SGCZ: variants seen among roughly 807,000 people sequenced by gnomAD.
The protein encoded by SGCZ is zeta-sarcoglycan.
In SGCZ, 40 loss-of-function variants were observed where a neutral mutation model predicts 41.3. That is an observed-to-expected ratio of 0.97 (90% CI 0.75 to 1.26). The LOEUF (loss-of-function observed/expected upper bound fraction) is 1.26. Among genes scored for constraint, SGCZ ranks in the 50% most tolerant of loss-of-function variants. The pLI is 0.00. For synonymous variants in SGCZ, 206 were observed against 137.5 expected, an observed-to-expected ratio of 1.50 and a Z score of -3.49; for missense variants, 552 against 369.8, an observed-to-expected ratio of 1.49 and a Z score of -4.04.
chr8:14,583,413 T>C (rs1388758956), intron 1 of SGCZ, among the ~76,000 whole-genome samples: 1 of 152,184 alleles, frequency 6.6e-6, no homozygotes, highest in Non-Finnish European at 1.5e-5. Context: ...TAGCCCTTTG[T>C]CAGATGAGTA....
chr8:14,836,341 G>A (rs753355314), intron 1 of SGCZ, among the ~76,000 whole-genome samples: 1 of 152,014 alleles, frequency 6.6e-6, no homozygotes, highest in African/African-American at 2.4e-5. Flanking sequence ...TAAGATTATT[G>A]GGAGAATATT....
At chr8:14,782,297 T>A (rs935673398) in intron 1 of SGCZ, among the ~76,000 whole-genome samples, 7 of 152,228 alleles carry the variant, frequency 4.6e-5, no homozygotes, top group African/African-American at 1.7e-4. Flanking sequence ...CAGATTTCAA[T>A]ACAGTGTACT....
chr8:15,049,196 G>A (rs1804426415), intron 1 of SGCZ, among the ~76,000 whole-genome samples: 1 of 152,184 alleles, frequency 6.6e-6, no homozygotes, highest in South Asian at 2.1e-4. Flanking sequence ...GGTAAGTGTT[G>A]TAAGGGATAA....
intron 4 of SGCZ, among the ~76,000 whole-genome samples, chr8:14,224,530 C>G (rs567564944): frequency 6.6e-6 from 1 of 152,184 alleles, no homozygotes; most frequent in East Asian, 1.9e-4. Context: ...TATTATGCAA[C>G]TTTGTGCATC....
chr8:14,386,135 A>C (rs1804566954), intron 2 of SGCZ, among the ~76,000 whole-genome samples: 1 of 152,156 alleles, frequency 6.6e-6, no homozygotes, highest in South Asian at 2.1e-4. Context: ...CCACAAATAC[A>C]GAGGCCCAAC....
At chr8:14,451,756 T>C (rs967369673) in intron 2 of SGCZ, among the ~76,000 whole-genome samples, 1 of 152,192 alleles carries the variant, frequency 6.6e-6, no homozygotes, top group Non-Finnish European at 1.5e-5. Flanking sequence ...CAACATTGTA[T>C]ATCATTTAAT....
At chr8:14,602,085 A>G (rs1008620352) in intron 1 of SGCZ, among the ~76,000 whole-genome samples, 1 of 152,108 alleles carries the variant, frequency 6.6e-6, no homozygotes, top group Non-Finnish European at 1.5e-5. Context: ...GCGCCACTGC[A>G]CTCCAGCCTG....
chr8:14,638,282 A>G (rs1374723531), intron 1 of SGCZ, among the ~76,000 whole-genome samples: 2 of 151,812 alleles, frequency 1.3e-5, no homozygotes, highest in African/African-American at 4.8e-5. Context: ...ATCAGTCATT[A>G]CAACTGCAGA....
At chr8:14,401,581 T>A (rs1399201328) in intron 2 of SGCZ, among the ~76,000 whole-genome samples, 11 of 151,144 alleles carry the variant, frequency 7.3e-5, no homozygotes, top group African/African-American at 1.5e-4. Flanking sequence ...AATGATGATT[T>A]CCAATTTCAT....
At chr8:14,247,037 C>G (rs1220629678) in intron 3 of SGCZ, among the ~76,000 whole-genome samples, 2 of 151,534 alleles carry the variant, frequency 1.3e-5, no homozygotes, top group African/African-American at 2.4e-5. Context: ...ATAAACTTAT[C>G]TAGAGCTGTT....
chr8:14,244,433 C>T (rs1032408619), intron 3 of SGCZ, among the ~76,000 whole-genome samples: 41 of 152,162 alleles, frequency 2.7e-4, no homozygotes, highest in Admixed American at 1.4e-3. Flanking sequence ...AGCTGCAAAA[C>T]AAGTGTTTAC....
At chr8:15,186,241 A>G (rs1160653291) in intron 1 of SGCZ, among the ~76,000 whole-genome samples, 5 of 133,708 alleles carry the variant, frequency 3.7e-5, no homozygotes, top group Middle Eastern at 3.9e-3. Context: ...CAGCCTGGGC[A>G]ACAGAGGGAA....
intron 2 of SGCZ, among the ~76,000 whole-genome samples, chr8:14,505,637 A>G (rs1336764303): frequency 2.0e-5 from 3 of 152,092 alleles, no homozygotes; most frequent in African/African-American, 7.2e-5. Context: ...TTCATCTACA[A>G]TTGTTCTCTA....
At chr8:14,290,926 T>C (rs1800818405) in intron 3 of SGCZ, among the ~76,000 whole-genome samples, 1 of 152,062 alleles carries the variant, frequency 6.6e-6, no homozygotes, top group Non-Finnish European at 1.5e-5. Context: ...ATAGCTAAAA[T>C]ATGGAATCAC....
At chr8:14,770,075 G>GT (rs1205104563) in intron 1 of SGCZ, among the ~76,000 whole-genome samples, 4 of 150,224 alleles carry the variant, frequency 2.7e-5, no homozygotes, top group African/African-American at 4.9e-5. Context: ...GCCCCAATTT[G>GT]TTTTTTCAAA....
chr8:14,365,752 C>T (rs929176684), intron 2 of SGCZ, among the ~76,000 whole-genome samples: 7 of 151,904 alleles, frequency 4.6e-5, no homozygotes, highest in African/African-American at 1.7e-4. Flanking sequence ...CTTATTTTGT[C>T]CATTTTGTTT....
intron 1 of SGCZ, among the ~76,000 whole-genome samples, chr8:14,624,144 C>T (rs1010518959): frequency 6.6e-6 from 1 of 152,080 alleles, no homozygotes; most frequent in African/African-American, 2.4e-5. Flanking sequence ...TTAATATATG[C>T]ATATTTAATT....
At chr8:14,102,246 C>T in intron 7 of SGCZ, 130 bp downstream of exon 7, 1 of 1,073,790 alleles carries the variant, frequency 9.3e-7, no homozygotes, top group African/African-American at 1.6e-5. Context: ...TATTACTTTC[C>T]TAAGTTACAA....
chr8:14,524,343 C>T (rs1802877164), intron 2 of SGCZ, among the ~76,000 whole-genome samples: 1 of 151,916 alleles, frequency 6.6e-6, no homozygotes, highest in African/African-American at 2.4e-5. Flanking sequence ...TCTCACTGCT[C>T]CTGGATTCGG....
Sources: allele counts gnomAD v4.1 joint callset (sites outside exome capture counted in the v4.1 genomes callset), GRCh38; gene constraint gnomAD v4.1.1; transcripts MANE v1.5; gene names NCBI Gene and HGNC (gene_info 2026-07-23, HGNC 2026-07-21).